The following ANKS1A variants were observed in gnomAD, a reference collection of about 807,000 sequenced individuals.
ANKS1A encodes the protein ankyrin repeat and sterile alpha motif domain containing 1A.
ANKS1A carries 55 observed loss-of-function variants against 120.3 expected under a neutral mutation model. That is an observed-to-expected ratio of 0.46 (90% CI 0.37 to 0.57). The LOEUF is 0.57. ANKS1A is among the 20% of genes least tolerant of loss of function. The pLI, the probability that ANKS1A is intolerant of heterozygous loss-of-function variation, is 0.00. For missense variants in ANKS1A, 1,123 were observed against 1,480.3 expected (o/e 0.76, Z 3.96); for synonymous variants, 590 against 604.7 (o/e 0.98, Z 0.36).
Position 35,078,587 on chromosome 6 carries a change from G to A in ANKS1A, c.2214G>A (p.Leu738=). ...CTAATGTGATGGAAGAGCAGGACCT[G>A]CGGGACATCGGCATCAGCGACCCAC... ...LGSNVMEEQD[L]RDIGISDPQH... is the part of the protein sequence containing the mutation. Residue 738 remains leucine, a synonymous_variant, in exon 14 of 24, where the codon CTG becomes CTA. Coordinates refer to ENST00000360359, the MANE Select transcript of ANKS1A (RefSeq NM_015245.3). The A allele has an allele frequency of 6.2e-7, 1 of 1,609,774 alleles. No individual in the cohort carries two copies.
intron 11 of ANKS1A, among the ~76,000 whole-genome samples, chr6:35,027,825 T>C (rs1774706041): frequency 6.6e-6 from 1 of 152,166 alleles, no homozygotes; most frequent in Admixed American, 6.5e-5. Context: ...ACCAGGTGAG[T>C]AGCCAGTGGG....
intron 13 of ANKS1A, among the ~76,000 whole-genome samples, chr6:35,061,763 T>A (rs74593609): frequency 4.6e-5 from 7 of 152,340 alleles, no homozygotes; most frequent in Non-Finnish European, 8.8e-5. Flanking sequence ...ATGACCTAAC[T>A]CCTGACTCAC....
intron 13 of ANKS1A, among the ~76,000 whole-genome samples, chr6:35,071,291 C>T (rs1777074752): frequency 6.6e-6 from 1 of 152,148 alleles, no homozygotes; most frequent in South Asian, 2.1e-4. Flanking sequence ...TGTAAATTTC[C>T]CCCACAAGAG....
intron 11 of ANKS1A, among the ~76,000 whole-genome samples, chr6:35,036,790 T>C (rs1775196292): frequency 6.6e-6 from 1 of 152,178 alleles, no homozygotes; most frequent in Non-Finnish European, 1.5e-5. Flanking sequence ...ACAGCAGTGG[T>C]TCTCAAAGGG....
intron 11 of ANKS1A, among the ~76,000 whole-genome samples, chr6:35,021,468 A>T (rs1156866571): frequency 2.0e-5 from 3 of 152,188 alleles, no homozygotes; most frequent in African/African-American, 7.2e-5. Context: ...ACCTCGGTGC[A>T]TGGACTACCT....
chr6:34,909,607 G>T lies in ANKS1A; in HGVS notation c.197+20008G>T, dbSNP rs566851302. On this transcript the variant is annotated intron_variant, in intron 1 of 23. Transcript: ENST00000360359. ...GAGTGCCTTGTTTGTGCAAGATCAC[G>T]TGCTGGCCAACGGAGTTATAGAGAG... Among the ~76,000 whole-genome samples the T allele has an allele frequency of 2.0e-5, 3 of 152,302 alleles. No homozygotes were observed. In the South Asian group the frequency reaches 6.2e-4, roughly 32 times the overall value.
At position 35,089,076 on chromosome 6, in the gene ANKS1A, G is replaced by A. The variant is rs1232842284; in HGVS notation, c.*467G>A. On this transcript the variant is annotated 3_prime_UTR_variant, in exon 24 of 24. Coordinates refer to ENST00000360359, the MANE Select transcript of ANKS1A (RefSeq NM_015245.3). ...AGCTCAGTGGGTCGGAAGAGAAGGC[G>A]GTGGCCTGTGGGTGAGGGGAACGGA... 13 of 1,046,970 alleles carry A rather than the reference G, an allele frequency of 1.2e-5. No homozygotes were observed. The highest frequency in any genetic ancestry group is 1.5e-4 in the East Asian group (2 of 13,356). 64.9% of individuals were successfully genotyped at this position (1,046,970 alleles called of 1,614,324 possible).
chr6:35,089,907 G>A lies in ANKS1A; in HGVS notation c.*1298G>A. The A allele has an allele frequency of 8.7e-7, 1 of 1,149,292 alleles. No individual in the cohort carries two copies. The highest frequency in any genetic ancestry group is 1.9e-5 in the South Asian group (1 of 52,680). 71.2% of individuals were successfully genotyped at this position (1,149,292 alleles called of 1,614,324 possible). On this transcript the variant is annotated 3_prime_UTR_variant, in exon 24 of 24. Coordinates refer to ENST00000360359, the MANE Select transcript of ANKS1A (RefSeq NM_015245.3). The stretch of plus-strand genomic sequence containing the variant: ...CTGGCATAGGTCAATCAGGTCCCAG[G>A]ATGAATAATCCAGGCTTCAGCAACA...
chr6:35,031,930 C>G (rs1774929665), intron 11 of ANKS1A, among the ~76,000 whole-genome samples: 1 of 152,144 alleles, frequency 6.6e-6, no homozygotes, highest in South Asian at 2.1e-4. Context: ...ATTCTCCCTA[C>G]TTGGGTGGCT....
In ANKS1A at chr6:35,089,558, A is replaced by G. The variant is rs1204046575; in HGVS notation, c.*949A>G. On this transcript the variant is annotated 3_prime_UTR_variant, in exon 24 of 24. Transcript: ENST00000360359. ...TAATCAGCCTGTGTGATTGGGGCTC[A>G]TTTTGATTCTCTGAATTATCGGTTT... 5 of 986,386 alleles carry G rather than the reference A, an allele frequency of 5.1e-6. No individual in the cohort carries two copies. In the East Asian group the frequency reaches 4.5e-4, roughly 89 times the overall value. 61.1% of individuals were successfully genotyped at this position (986,386 alleles called of 1,614,324 possible).
intron 13 of ANKS1A, among the ~76,000 whole-genome samples, chr6:35,073,382 A>T (rs1777171363): frequency 6.6e-6 from 1 of 152,276 alleles, no homozygotes; most frequent in South Asian, 2.1e-4. Context: ...TGCCTCTTCC[A>T]TGGGAGCACT....
chr6:35,097,078 T>C, the ANKS1A span, among the ~76,000 whole-genome samples: 2 of 152,150 alleles, frequency 1.3e-5, no homozygotes, highest in East Asian at 1.9e-4. Context: ...TTAATGGCTT[T>C]ACAAATTACA....
At chr6:34,896,973 A>G (rs1275624670) in intron 1 of ANKS1A, among the ~76,000 whole-genome samples, 5 of 152,146 alleles carry the variant, frequency 3.3e-5, no homozygotes, top group Admixed American at 2.6e-4. Context: ...CTCAAAAAAA[A>G]TAAAAATAAA....
intron 8 of ANKS1A, among the ~76,000 whole-genome samples, chr6:34,987,767 T>C (rs1325898627): frequency 2.6e-5 from 4 of 152,240 alleles, no homozygotes; most frequent in Non-Finnish European, 5.9e-5. Context: ...ATGAGAAACA[T>C]CTTTCCATGC....
intron 13 of ANKS1A, among the ~76,000 whole-genome samples, chr6:35,066,246 G>A (rs1581725794): frequency 6.6e-6 from 1 of 152,220 alleles, no homozygotes; most frequent in African/African-American, 2.4e-5. Flanking sequence ...GTGTTTTTCT[G>A]AAAAAGGCAG....
intron 1 of ANKS1A, among the ~76,000 whole-genome samples, chr6:34,953,153 G>A (rs1057333057): frequency 1.3e-5 from 2 of 152,174 alleles, no homozygotes; most frequent in Admixed American, 6.5e-5. Context: ...CTTAATTGGT[G>A]GTGAGGATAT....
Position 35,057,456 on chromosome 6 carries a change from C to T in ANKS1A, c.2078-2691C>T, listed in dbSNP as rs1042049272. Among the ~76,000 whole-genome samples, 1 of 152,218 alleles carries T rather than the reference C, an allele frequency of 6.6e-6. No homozygotes were observed. The highest frequency in any genetic ancestry group is 6.5e-5 in the Admixed American group (1 of 15,290). ...TTCTGGGGCCTGATGAGAACCCTCT[C>T]TTTTCCAGGGCTCATCTACAGCCTA... On this transcript the variant is annotated intron_variant, in intron 12 of 23. Coordinates refer to ENST00000360359, the MANE Select transcript of ANKS1A (RefSeq NM_015245.3). This position sits in a 1 kb window ranked among gnomAD's most constrained non-coding sequence, Gnocchi z 4.1.
intron 1 of ANKS1A, among the ~76,000 whole-genome samples, chr6:34,947,545 A>T (rs1581733400): frequency 1.3e-5 from 2 of 152,182 alleles, no homozygotes; most frequent in East Asian, 3.8e-4. Context: ...CCACCAGGCC[A>T]TTAGGAGGTG....
At chr6:34,937,543 G>A (rs1039164117) in intron 1 of ANKS1A, among the ~76,000 whole-genome samples, 6 of 152,182 alleles carry the variant, frequency 3.9e-5, no homozygotes, top group South Asian at 4.1e-4. Flanking sequence ...TGGAGGCTGC[G>A]GCCTTTGAAG....
Sources: gnomAD v4.1 joint callset for allele counts (sites outside exome capture counted in the v4.1 genomes callset) on GRCh38, gnomAD v4.1.1 for gene constraint, Gnocchi (gnomAD v3.1) non-coding constraint, MANE v1.5 for transcripts, NCBI Gene and HGNC (gene_info 2026-07-23, HGNC 2026-07-21) for gene names.